The following POU6F2 variants were observed in gnomAD, a reference collection of about 807,000 sequenced individuals.
POU6F2 encodes POU class 6 homeobox 2, also known as POU domain, class 6, transcription factor 2.
Under a neutral mutation model 71.3 loss-of-function variants are expected in POU6F2, and 31 were observed. The observed-to-expected ratio is 0.43, with a 90% CI of 0.33 to 0.59. POU6F2 has a LOEUF of 0.59. Ranked by LOEUF, POU6F2 falls within the 20% of genes least tolerant of loss-of-function variation. The pLI is 0.04. For synonymous variants in POU6F2, 347 were observed against 355.7 expected, an observed-to-expected ratio of 0.98 and a Z score of 0.27; for missense variants, 783 against 856.8, an observed-to-expected ratio of 0.91 and a Z score of 1.07.
chr7:39,252,406 A>ACG (rs1355924296), intron 4 of POU6F2, among the ~76,000 whole-genome samples: 59 of 134,018 alleles, frequency 4.4e-4, no homozygotes, highest in African/African-American at 1.6e-3. Flanking sequence ...ACAGACACAC[A>ACG]CACACACACA....
intron 5 of POU6F2, among the ~76,000 whole-genome samples, chr7:39,365,873 G>GAC (rs1786489869): frequency 1.3e-5 from 2 of 152,166 alleles, no homozygotes; most frequent in Admixed American, 1.3e-4. Context: ...GTCAGGGTGT[G>GAC]TCTACTTGAG....
chr7:39,361,656 T>C (rs963421552), intron 5 of POU6F2, among the ~76,000 whole-genome samples: 6 of 152,258 alleles, frequency 3.9e-5, no homozygotes, highest in Admixed American at 6.5e-5. Context: ...GCCGAACACA[T>C]CATCAAATGA....
intron 4 of POU6F2, among the ~76,000 whole-genome samples, chr7:39,231,136 A>C: frequency 6.6e-6 from 1 of 152,234 alleles, no homozygotes; most frequent in Non-Finnish European, 1.5e-5. Flanking sequence ...GAAACCTTGG[A>C]TCAAAGAACT....
At chr7:39,090,639 T>A (rs1212132984) in intron 2 of POU6F2, among the ~76,000 whole-genome samples, 3 of 152,204 alleles carry the variant, frequency 2.0e-5, no homozygotes, top group African/African-American at 7.2e-5. Flanking sequence ...TTGGAGGTGA[T>A]GAGGTAAATT....
chr7:39,063,923 T>C (rs548889105), intron 1 of POU6F2, among the ~76,000 whole-genome samples: 3 of 152,242 alleles, frequency 2.0e-5, no homozygotes, highest in African/African-American at 7.2e-5. Flanking sequence ...GAAGACGCCT[T>C]TAATGTGTGA....
intron 1 of POU6F2, among the ~76,000 whole-genome samples, chr7:39,024,283 C>T (rs1789747435): frequency 6.6e-6 from 1 of 151,790 alleles, no homozygotes; most frequent in African/African-American, 2.4e-5. Context: ...AATGGGAGTT[C>T]ACTCATGATT....
intron 2 of POU6F2, among the ~76,000 whole-genome samples, chr7:39,137,827 C>T (rs775487051): frequency 5.9e-4 from 90 of 152,108 alleles, no homozygotes; most frequent in Non-Finnish European, 1.1e-3. Flanking sequence ...TTGATCTTCC[C>T]ACTTACTTCC....
intron 2 of POU6F2, among the ~76,000 whole-genome samples, chr7:39,145,447 C>T (rs550238274): frequency 6.6e-6 from 1 of 152,314 alleles, no homozygotes; most frequent in Non-Finnish European, 1.5e-5. Context: ...AGAAGTAACT[C>T]CTTGGCACAT....
At position 39,433,090 on chromosome 7, in the gene POU6F2, T is replaced by G; in HGVS notation, c.1127T>G (p.Ile376Ser). 6.2e-7 allele frequency: 1 copy of G among 1,613,138 alleles called. No homozygotes were observed. The highest frequency in any genetic ancestry group is 1.1e-5 in the South Asian group (1 of 91,048). ...CCTCTCTTGCAGATTATCGGGACCA[T>G]TCCACTGATGCCTAATCCAGGGCCA... is the stretch of plus-strand genomic sequence containing the variant. ...TNAQGQIIGT[I>S]PLMPNPGPSS... The change falls in exon 7 of 10, where the codon ATT becomes AGT. Residue 376 changes from isoleucine (I) to serine (S), a missense_variant. Coordinates refer to ENST00000518318, the MANE Select transcript of POU6F2 (RefSeq NM_001370959.1).
rs146165622 is a variant in POU6F2 at position 39,070,932 on chromosome 7, C to T, written c.106-14928C>T. ...GTCTTGTTCAATGAGGTGTTCCCAT[C>T]ACTTAGAGGAGTGGATGGTATATAG... On this transcript the variant is annotated intron_variant, in intron 1 of 9. Transcript: ENST00000518318. 5.1e-3 allele frequency among the ~76,000 whole-genome samples: 778 copies of T among 152,302 alleles called. 6 individuals are homozygous for T. The highest frequency in any genetic ancestry group is 7.1e-3 in the Non-Finnish European group (484 of 68,022).
At chr7:39,257,784 C>CTTCTGAAG (rs1397720937) in intron 4 of POU6F2, among the ~76,000 whole-genome samples, 4 of 152,016 alleles carry the variant, frequency 2.6e-5, no homozygotes, top group African/African-American at 7.2e-5. Flanking sequence ...AAAACCCACA[C>CTTCTGAAG]TTCTGAAGTT....
At chr7:39,347,207 A>T (rs2237411) in intron 5 of POU6F2, among the ~76,000 whole-genome samples, 54 of 151,928 alleles carry the variant, frequency 3.6e-4, no homozygotes, top group Non-Finnish European at 6.5e-4. Context: ...CTTTTTTTCC[A>T]TCCTCGACTA....
At chr7:39,323,089 TGAGA>T (rs1424862037) in intron 4 of POU6F2, among the ~76,000 whole-genome samples, 2 of 151,240 alleles carry the variant, frequency 1.3e-5, no homozygotes, top group Non-Finnish European at 2.9e-5. Context: ...TGCAGGTTGC[TGAGA>T]GAGAAGACAG....
intron 4 of POU6F2, among the ~76,000 whole-genome samples, chr7:39,311,350 T>C (rs1785161545): frequency 6.6e-6 from 1 of 151,920 alleles, no homozygotes. Flanking sequence ...GGTGACCCAT[T>C]GCACTTCTCA....
chr7:39,170,174 T>TAAC, intron 2 of POU6F2, among the ~76,000 whole-genome samples: 1 of 152,222 alleles, frequency 6.6e-6, no homozygotes, highest in Non-Finnish European at 1.5e-5. Context: ...TCTCAAAAAA[T>TAAC]AATAATAATA....
intron 5 of POU6F2, among the ~76,000 whole-genome samples, chr7:39,397,600 C>G (rs1787200603): frequency 6.7e-6 from 1 of 148,516 alleles, no homozygotes; most frequent in South Asian, 2.1e-4. Flanking sequence ...TCAAGTAATT[C>G]TCCTGCCTCA....
intron 2 of POU6F2, among the ~76,000 whole-genome samples, chr7:39,162,668 C>T (rs1793021189): frequency 6.6e-6 from 1 of 152,170 alleles, no homozygotes; most frequent in Non-Finnish European, 1.5e-5. Flanking sequence ...ACGTGCCAAA[C>T]TATAGTTCTG....
intron 4 of POU6F2, among the ~76,000 whole-genome samples, chr7:39,301,132 T>C (rs1462931421): frequency 6.6e-6 from 1 of 152,208 alleles, no homozygotes. Context: ...TCAGTGGCTA[T>C]TTAATAGTTT....
chr7:39,006,817 A>C (rs371792908), intron 1 of POU6F2: 1 of 1,612,494 alleles, frequency 6.2e-7, no homozygotes, highest in Non-Finnish European at 8.5e-7. Context: ...TGCTGAAAGA[A>C]TGTTCTTATA....
Sources: allele counts gnomAD v4.1 joint callset (sites outside exome capture counted in the v4.1 genomes callset), GRCh38; gene constraint gnomAD v4.1.1; transcripts MANE v1.5; gene names NCBI Gene and HGNC (gene_info 2026-07-23, HGNC 2026-07-21).